The following FGF12 variants were observed in gnomAD, a reference collection of about 807,000 sequenced individuals.
The protein encoded by FGF12 is fibroblast growth factor 12B.
Under a neutral mutation model 23.6 loss-of-function variants are expected in FGF12, and 14 were observed. That is an observed-to-expected ratio of 0.59 (90% CI 0.39 to 0.93). The LOEUF (loss-of-function observed/expected upper bound fraction) is 0.93, where lower values mean the gene tolerates loss of function less well. Ranked by LOEUF, FGF12 falls within the 40% of genes least tolerant of loss-of-function variation. The probability of loss-of-function intolerance (pLI) is 0.00; values close to 1 mark genes in which losing one functional copy is unlikely to be tolerated. For synonymous variants in FGF12, 62 were observed against 77.3 expected (o/e 0.80, Z 1.04); for missense variants, 175 against 217.8 (o/e 0.80, Z 1.24).
At chr3:192,187,445 AAG>A (rs1716535003) in intron 4 of FGF12, among the ~76,000 whole-genome samples, 1 of 152,192 alleles carries the variant, frequency 6.6e-6, no homozygotes, top group South Asian at 2.1e-4. Flanking sequence ...GGTTAATGTG[AAG>A]TTGACCAAAC....
chr3:192,604,530 C>T (rs374429484), intron 2 of FGF12, among the ~76,000 whole-genome samples: 20 of 152,108 alleles, frequency 1.3e-4, no homozygotes, highest in African/African-American at 3.1e-4. Flanking sequence ...AGGAGAACTA[C>T]GAACTACTGC....
At chr3:192,532,672 C>T (rs559736715) in intron 2 of FGF12, among the ~76,000 whole-genome samples, 1 of 152,210 alleles carries the variant, frequency 6.6e-6, no homozygotes, top group East Asian at 1.9e-4. Context: ...ATACACTGTA[C>T]ACACAACAAT....
intron 2 of FGF12, among the ~76,000 whole-genome samples, chr3:192,491,626 C>T (rs964002172): frequency 6.6e-6 from 1 of 152,114 alleles, no homozygotes; most frequent in African/African-American, 2.4e-5. Context: ...GTCTGCCTCA[C>T]AAAATTGCTA....
intron 4 of FGF12, among the ~76,000 whole-genome samples, chr3:192,274,415 T>C (rs895212879): frequency 2.0e-5 from 3 of 152,182 alleles, no homozygotes; most frequent in Non-Finnish European, 4.4e-5. Context: ...GCCTACTGTT[T>C]ATATACCTCA....
At chr3:192,192,703 G>T (rs1274199585) in intron 4 of FGF12, among the ~76,000 whole-genome samples, 1 of 151,740 alleles carries the variant, frequency 6.6e-6, no homozygotes, top group Non-Finnish European at 1.5e-5. Flanking sequence ...AAAGAAATAG[G>T]TCCTGAGTGA....
rs1322294824 is a variant in FGF12 at position 192,360,963 on chromosome 3, G to A, written c.14-425C>T. On this transcript the variant is annotated intron_variant, in intron 2 of 5. Coordinates refer to ENST00000445105, the MANE Select transcript of FGF12 (RefSeq NM_004113.6). This position sits in a 1 kb window ranked among gnomAD's most constrained non-coding sequence, Gnocchi z 4.3. Reference sequence around the variant, plus strand: ...CATAAGACTTCTATCTCTGCAGGATGTCAGCTCTCCATCAGAAGTTCCTGG... The same window carrying A: ...CATAAGACTTCTATCTCTGCAGGATATCAGCTCTCCATCAGAAGTTCCTGG... Among the ~76,000 whole-genome samples the A allele has an allele frequency of 6.6e-6, 1 of 152,030 alleles. No homozygotes were observed. Among genetic ancestry groups the A allele is most frequent in the Non-Finnish European group, 1.5e-5 (1 of 68,006 alleles).
chr3:192,370,101 G>A (rs944355451), intron 2 of FGF12, among the ~76,000 whole-genome samples: 2 of 152,276 alleles, frequency 1.3e-5, no homozygotes, highest in South Asian at 2.1e-4. Context: ...AAGGAAATAT[G>A]GGGGTGCATG....
At chr3:192,488,938 A>T (rs536999675) in intron 2 of FGF12, among the ~76,000 whole-genome samples, 1 of 152,212 alleles carries the variant, frequency 6.6e-6, no homozygotes, top group African/African-American at 2.4e-5. Context: ...GATAGAAATA[A>T]AGTCACATGA....
At chr3:192,184,873 A>C (rs1716369229) in intron 4 of FGF12, among the ~76,000 whole-genome samples, 1 of 152,250 alleles carries the variant, frequency 6.6e-6, no homozygotes, top group Non-Finnish European at 1.5e-5. Context: ...ATATGTGGAT[A>C]ATTTACATTC....
At chr3:192,487,184 C>T (rs1560126260) in intron 2 of FGF12, among the ~76,000 whole-genome samples, 1 of 152,072 alleles carries the variant, frequency 6.6e-6, no homozygotes, top group Non-Finnish European at 1.5e-5. Flanking sequence ...ACCTCATTCA[C>T]TTTTCTTACT....
chr3:192,561,520 GC>G (rs1393352773), intron 2 of FGF12, among the ~76,000 whole-genome samples: 19 of 151,988 alleles, frequency 1.3e-4, no homozygotes, highest in Admixed American at 6.6e-5. Flanking sequence ...CCGCCACCAC[GC>G]CCAGCTAATT....
At chr3:192,513,930 G>A (rs894869207) in intron 2 of FGF12, among the ~76,000 whole-genome samples, 4 of 152,106 alleles carry the variant, frequency 2.6e-5, no homozygotes, top group African/African-American at 7.2e-5. Context: ...GAGGAAACGT[G>A]GTGAAACAGC....
intron 4 of FGF12, among the ~76,000 whole-genome samples, chr3:192,291,981 C>A (rs990084230): frequency 1.4e-4 from 22 of 152,120 alleles, no homozygotes; most frequent in Non-Finnish European, 2.5e-4. Flanking sequence ...ATTTGAAATG[C>A]CATTTAAGTA....
rs368469926 is a variant in FGF12 at position 192,235,054 on chromosome 3, A to C, written c.229-64398T>G. Among the ~76,000 whole-genome samples the C allele has an allele frequency of 3.9e-5, 6 of 152,284 alleles. No individual in the cohort carries two copies. In the East Asian group the frequency reaches 1.2e-3, roughly 29 times the overall value. ...TTGGTATCAGAATGATGCTGGCCTC[A>C]TAGAATGAGTTAGGCAGGAGTCCCT... is the stretch of plus-strand genomic sequence containing the variant. On this transcript the variant is annotated intron_variant, in intron 4 of 5. Coordinates refer to ENST00000445105, the MANE Select transcript of FGF12 (RefSeq NM_004113.6).
chr3:192,150,809 G>C (rs1460127371), intron 5 of FGF12, among the ~76,000 whole-genome samples: 1 of 141,352 alleles, frequency 7.1e-6, no homozygotes, highest in Non-Finnish European at 1.5e-5. Context: ...GCTCTTTTTT[G>C]GTTCCATATG....
intron 2 of FGF12, among the ~76,000 whole-genome samples, chr3:192,548,594 G>A (rs1725554598): frequency 6.6e-6 from 1 of 152,132 alleles, no homozygotes; most frequent in Admixed American, 6.5e-5. Flanking sequence ...CATCTACCGT[G>A]TCTAAGATGG....
At chr3:192,193,509 C>T (rs1716908931) in intron 4 of FGF12, among the ~76,000 whole-genome samples, 1 of 152,188 alleles carries the variant, frequency 6.6e-6, no homozygotes, top group Admixed American at 6.5e-5. Context: ...CTTCCTTTAT[C>T]AGCAGCCCTA....
rs535205697 is a variant in FGF12 at position 192,545,879 on chromosome 3, T to G, written c.13+181302A>C. Among the ~76,000 whole-genome samples the G allele has an allele frequency of 2.0e-5, 3 of 151,858 alleles. No individual in the cohort carries two copies. In the East Asian group the frequency reaches 5.8e-4, roughly 29 times the overall value. On this transcript the variant is annotated intron_variant, in intron 2 of 5. Coordinates refer to ENST00000445105, the MANE Select transcript of FGF12 (RefSeq NM_004113.6). ...GACGTTGAACCACTTGGCTACACTC[T>G]CTAAGACAAATTAGATCTCAGAGAT...
At chr3:192,273,599 A>T (rs1713588203) in intron 4 of FGF12, among the ~76,000 whole-genome samples, 1 of 152,174 alleles carries the variant, frequency 6.6e-6, no homozygotes, top group Non-Finnish European at 1.5e-5. Context: ...CTGGACTGCA[A>T]ACCATTCTCA....
Sources: allele counts gnomAD v4.1 joint callset (sites outside exome capture counted in the v4.1 genomes callset), GRCh38; gene constraint gnomAD v4.1.1; non-coding constraint Gnocchi (gnomAD v3.1); transcripts MANE v1.5; gene names NCBI Gene and HGNC (gene_info 2026-07-23, HGNC 2026-07-21).